GDA: variants seen among roughly 807,000 people sequenced by gnomAD.
GDA encodes guanine deaminase, also known as cytoplasmic PSD-95 interactor.
In GDA, 18 loss-of-function variants were observed where a neutral mutation model predicts 59.6. The ratio of observed to expected loss-of-function variants is 0.30; its 90% CI spans 0.21 to 0.45. GDA has a LOEUF of 0.45. GDA is among the 20% of genes least tolerant of loss of function. The probability of loss-of-function intolerance (pLI) is 1.00; values close to 1 mark genes in which losing one functional copy is unlikely to be tolerated. For missense variants in GDA, 427 were observed against 552.3 expected, an observed-to-expected ratio of 0.77 and a Z score of 2.27; for synonymous variants, 201 against 201.1, an observed-to-expected ratio of 1.00 and a Z score of 0.00.
chr9:72,202,531 A>G, intron 2 of GDA, 40 bp from the exon 3 acceptor site: 1 of 1,297,890 alleles, frequency 7.7e-7, no homozygotes, highest in South Asian at 1.3e-5. Flanking sequence ...AAATGACTGA[A>G]GATATTATTA....
At chr9:72,131,771 CA>C (rs1826035822) in intron 1 of GDA, among the ~76,000 whole-genome samples, 1 of 152,120 alleles carries the variant, frequency 6.6e-6, no homozygotes, top group Admixed American at 6.6e-5. Flanking sequence ...AGGGTTAAGT[CA>C]TAAAGTAACT....
At chr9:72,237,835 C>T (rs920330531) in intron 10 of GDA, among the ~76,000 whole-genome samples, 6 of 152,064 alleles carry the variant, frequency 3.9e-5, no homozygotes, top group African/African-American at 1.4e-4. Flanking sequence ...AATGCCCAAC[C>T]TCATGACTCC....
intron 4 of GDA, among the ~76,000 whole-genome samples, chr9:72,212,053 T>C (rs1290405927): frequency 6.6e-6 from 1 of 152,218 alleles, no homozygotes; most frequent in Non-Finnish European, 1.5e-5. Context: ...ACAATTACCA[T>C]TGTCCCATAT....
intron 1 of GDA, among the ~76,000 whole-genome samples, chr9:72,142,374 G>T (rs191341582): frequency 1.3e-3 from 200 of 152,210 alleles, no homozygotes; most frequent in African/African-American, 4.5e-3. Flanking sequence ...CTAGCACTTT[G>T]GGAGGCTGAG....
chr9:72,214,034 C>T (rs775128028), intron 5 of GDA, 43 bp downstream of exon 5: 1 of 1,043,986 alleles, frequency 9.6e-7, no homozygotes, highest in South Asian at 1.3e-5. Context: ...AGGTGAATTC[C>T]TGTGCTGCAC....
At chr9:72,126,564 G>GTTTTT (rs1825854262) in intron 1 of GDA, among the ~76,000 whole-genome samples, 1 of 85,916 alleles carries the variant, frequency 1.2e-5, no homozygotes, top group African/African-American at 4.3e-5. Context: ...AACCTGGTTA[G>GTTTTT]TCTTTTTTTT....
At chr9:72,169,416 T>G (rs546976258) in intron 1 of GDA, among the ~76,000 whole-genome samples, 4 of 152,282 alleles carry the variant, frequency 2.6e-5, no homozygotes, top group Non-Finnish European at 4.4e-5. Flanking sequence ...AGGACATAGA[T>G]AAACAAGGAG....
At chr9:72,141,652 C>T (rs999635529) in intron 1 of GDA, among the ~76,000 whole-genome samples, 1 of 152,140 alleles carries the variant, frequency 6.6e-6, no homozygotes, top group Non-Finnish European at 1.5e-5. Context: ...TAGGAACATG[C>T]ATGCAATGAC....
intron 8 of GDA, among the ~76,000 whole-genome samples, chr9:72,227,391 GTTTA>G (rs1462823270): frequency 1.3e-5 from 2 of 152,126 alleles, no homozygotes; most frequent in Non-Finnish European, 1.5e-5. Flanking sequence ...TGAGTTAAAA[GTTTA>G]TTTAGTTGAA....
chr9:72,204,783 A>G (rs1834464924), intron 3 of GDA, among the ~76,000 whole-genome samples: 1 of 152,194 alleles, frequency 6.6e-6, no homozygotes, highest in South Asian at 2.1e-4. Context: ...TATTTCTGAC[A>G]TCAGAGATTT....
In GDA at chr9:72,183,449, A is replaced by G. The variant is rs117361435; in HGVS notation, c.124-12051A>G. Among the ~76,000 whole-genome samples, 219 of 152,294 alleles carry G rather than the reference A, an allele frequency of 1.4e-3. 4 individuals are homozygous for G. In the East Asian group the frequency reaches 0.034, roughly 23 times the overall value. On this transcript the variant is annotated intron_variant, in intron 1 of 13. Transcript: ENST00000358399. ...TCCACCAGGCCCACCTGCTGGGGCT[A>G]TATGAATGGAAGGAAAAGGAAAGGA...
At chr9:72,147,598 T>C (rs11143134), upstream of GDA, among the ~76,000 whole-genome samples, 6,026 of 147,948 alleles carry the variant, frequency 0.041, 162 homozygotes, top group Non-Finnish European at 0.059. Context: ...TATATTCTAG[T>C]TCATAAAACT....
chr9:72,133,559 G>T (rs1293775067), intron 1 of GDA, among the ~76,000 whole-genome samples: 4 of 152,146 alleles, frequency 2.6e-5, no homozygotes, highest in African/African-American at 9.6e-5. Context: ...TCAGCAGAGT[G>T]ACCTTAGCCC....
At position 72,198,846 on chromosome 9, in the gene GDA, G is replaced by GAT. The variant is rs141544036; in HGVS notation, c.212+3272_212+3273dup. 3.5e-3 allele frequency among the ~76,000 whole-genome samples: 446 copies of GAT among 128,630 alleles called. 21 individuals are homozygous for GAT. Among genetic ancestry groups the GAT allele is most frequent in the African/African-American group, 0.015 (402 of 26,292 alleles). The allele number at this position is 128,630 out of a possible 152,430, so 84.4% of individuals were successfully genotyped here. On this transcript the variant is annotated intron_variant, in intron 2 of 13. Transcript: ENST00000358399. The stretch of plus-strand genomic sequence containing the variant: ...ATGTTCTGATAAGCATATATAGGGG[G>GAT]ATATATATATATATAAAATTTTTTT...
At chr9:72,185,537 A>G (rs1831759758) in intron 1 of GDA, among the ~76,000 whole-genome samples, 1 of 152,194 alleles carries the variant, frequency 6.6e-6, no homozygotes, top group East Asian at 1.9e-4. Flanking sequence ...GAACTGAGCT[A>G]ATACGGCAAT....
intron 1 of GDA, among the ~76,000 whole-genome samples, chr9:72,185,433 A>G (rs747609797): frequency 1.3e-5 from 2 of 152,106 alleles, no homozygotes; most frequent in African/African-American, 2.4e-5. Context: ...TATTCGCCCC[A>G]TTGTACTAGT....
At chr9:72,116,029 T>C (rs1825426088) in intron 1 of GDA, among the ~76,000 whole-genome samples, 1 of 151,946 alleles carries the variant, frequency 6.6e-6, no homozygotes, top group African/African-American at 2.4e-5. Flanking sequence ...AGGTTGGGAG[T>C]TCGAGACCAG....
chr9:72,250,811 A>G lies in GDA; in HGVS notation c.*2469A>G, dbSNP rs1164553408. ...TCCTCCACCATTTCCTTAATGTTCCATGGTATTTTCAACGGAATACACTTT... is the reference window on the plus strand; with the variant it reads ...TCCTCCACCATTTCCTTAATGTTCCGTGGTATTTTCAACGGAATACACTTT... On this transcript the variant is annotated 3_prime_UTR_variant, in exon 14 of 14. Transcript: ENST00000358399. 3 of 1,609,700 alleles carry G rather than the reference A, an allele frequency of 1.9e-6. No homozygotes were observed. The highest frequency in any genetic ancestry group is 1.1e-5 in the South Asian group (1 of 90,982).
chr9:72,191,482 T>C (rs1587562282), intron 1 of GDA, among the ~76,000 whole-genome samples: 1 of 151,882 alleles, frequency 6.6e-6, no homozygotes, highest in Non-Finnish European at 1.5e-5. Context: ...TCTTTTTTTT[T>C]TTTTTTTGAG....
Sources: allele counts gnomAD v4.1 joint callset (sites outside exome capture counted in the v4.1 genomes callset), GRCh38; gene constraint gnomAD v4.1.1; transcripts MANE v1.5; gene names NCBI Gene and HGNC (gene_info 2026-07-23, HGNC 2026-07-21).